MAST2: variants seen among roughly 807,000 people sequenced by gnomAD.
The protein encoded by MAST2 is microtubule-associated serine/threonine-protein kinase 2.
A neutral mutation model predicts 147.4 loss-of-function variants in MAST2; 70 were observed. That is an observed-to-expected ratio of 0.47 (90% confidence interval 0.39 to 0.58). The LOEUF is 0.58. Among genes scored for constraint, MAST2 ranks in the 20% least tolerant of loss-of-function variants. MAST2 has a pLI of 0.00. For synonymous variants in MAST2, 869 were observed against 896.8 expected, an observed-to-expected ratio of 0.97 and a Z score of 0.55; for missense variants, 2,080 against 2,302.3, an observed-to-expected ratio of 0.90 and a Z score of 1.98.
intron 3 of MAST2, among the ~76,000 whole-genome samples, chr1:45,849,950 C>T (rs530509750): frequency 6.6e-6 from 1 of 152,242 alleles, no homozygotes; most frequent in South Asian, 2.1e-4. Flanking sequence ...GATTTGTTTT[C>T]TTTTGTATAT....
chr1:45,899,852 A>G (rs937217768), intron 4 of MAST2, among the ~76,000 whole-genome samples: 8 of 152,026 alleles, frequency 5.3e-5, no homozygotes, highest in Non-Finnish European at 1.2e-4. Context: ...TTACAATTAA[A>G]AAAAAATTTT....
At chr1:45,968,106 A>T (rs1570980542) in intron 5 of MAST2, among the ~76,000 whole-genome samples, 1 of 152,324 alleles carries the variant, frequency 6.6e-6, no homozygotes, top group East Asian at 1.9e-4. Context: ...TGGGATGTTC[A>T]GCTGGTTAGT....
intron 26 of MAST2, among the ~76,000 whole-genome samples, chr1:46,032,976 CA>C (rs56069054): frequency 0.011 from 1,470 of 132,242 alleles, 21 homozygotes; most frequent in East Asian, 0.039. Flanking sequence ...ACTAAAAATA[CA>C]AAAAAAAAAA....
chr1:46,006,447 T>C, intron 8 of MAST2, 52 bp downstream of exon 8: 1 of 1,576,106 alleles, frequency 6.3e-7, no homozygotes, highest in Non-Finnish European at 8.6e-7. Flanking sequence ...TCAGCTTGTT[T>C]GCATAACACA....
intron 3 of MAST2, among the ~76,000 whole-genome samples, chr1:45,830,586 C>G (rs1312242536): frequency 6.6e-6 from 1 of 152,082 alleles, no homozygotes; most frequent in Non-Finnish European, 1.5e-5. Context: ...AGTAAATTTT[C>G]CTGGGAAAGA....
intron 4 of MAST2, among the ~76,000 whole-genome samples, chr1:45,914,987 C>A (rs1203190148): frequency 6.6e-6 from 1 of 152,116 alleles, no homozygotes; most frequent in East Asian, 1.9e-4. Context: ...ATGGCCCAGG[C>A]GGGAGGGCAG....
At chr1:45,854,336 CAAAA>C (rs61252218) in intron 3 of MAST2, among the ~76,000 whole-genome samples, 1 of 128,698 alleles carries the variant, frequency 7.8e-6, no homozygotes, top group African/African-American at 2.9e-5. Flanking sequence ...CCCTCTGTCT[CAAAA>C]AAAAAAAAAA....
At chr1:45,936,204 T>C (rs548405839) in intron 4 of MAST2, among the ~76,000 whole-genome samples, 1 of 152,330 alleles carries the variant, frequency 6.6e-6, no homozygotes, top group South Asian at 2.1e-4. Context: ...TTGGACGTCA[T>C]TGGAGTGTAG....
At chr1:46,007,295 CAG>C (rs775219848) in intron 8 of MAST2, among the ~76,000 whole-genome samples, 3 of 152,084 alleles carry the variant, frequency 2.0e-5, no homozygotes, top group African/African-American at 7.2e-5. Flanking sequence ...CCAGGAGTGA[CAG>C]GGAGTAAGCT....
At chr1:45,868,792 A>G (rs1034918153) in intron 3 of MAST2, among the ~76,000 whole-genome samples, 1 of 152,202 alleles carries the variant, frequency 6.6e-6, no homozygotes, top group Admixed American at 6.5e-5. Flanking sequence ...GATTTCAAAC[A>G]TTCAATTTCT....
intron 5 of MAST2, among the ~76,000 whole-genome samples, chr1:45,966,134 C>T (rs12077546): frequency 0.34 from 51,549 of 152,026 alleles, 9,118 homozygotes; most frequent in African/African-American, 0.43. Flanking sequence ...CCTTTTCAGA[C>T]TGGCTTCTTT....
chr1:45,867,393 C>A (rs1244044197), intron 3 of MAST2, among the ~76,000 whole-genome samples: 1 of 152,138 alleles, frequency 6.6e-6, no homozygotes, highest in Non-Finnish European at 1.5e-5. Flanking sequence ...TACTTTGATA[C>A]CTCCAGGTTT....
intron 4 of MAST2, among the ~76,000 whole-genome samples, chr1:45,917,176 A>T (rs1652674312): frequency 6.6e-6 from 1 of 152,256 alleles, no homozygotes; most frequent in South Asian, 2.1e-4. Context: ...CTCTGTTGTC[A>T]TCCTGTACCA....
chr1:45,919,787 T>A (rs1653146463), intron 4 of MAST2, among the ~76,000 whole-genome samples: 1 of 151,822 alleles, frequency 6.6e-6, no homozygotes, highest in Admixed American at 6.6e-5. Context: ...TTGTTAAATT[T>A]CATGTTTTTT....
At chr1:45,897,247 A>G (rs1648888328) in intron 4 of MAST2, among the ~76,000 whole-genome samples, 1 of 152,192 alleles carries the variant, frequency 6.6e-6, no homozygotes, top group Non-Finnish European at 1.5e-5. Context: ...GTAAAGTTAT[A>G]TAGGAGCAGA....
chr1:45,810,619 C>T (rs1050880771), intron 1 of MAST2, among the ~76,000 whole-genome samples: 12 of 151,432 alleles, frequency 7.9e-5, no homozygotes, highest in Non-Finnish European at 1.6e-4. Context: ...TGAGACCAGC[C>T]TGGCCAACAT....
chr1:45,973,888 G>A (rs1332037673), intron 5 of MAST2, among the ~76,000 whole-genome samples: 1 of 152,202 alleles, frequency 6.6e-6, no homozygotes, highest in Non-Finnish European at 1.5e-5. Flanking sequence ...CTGTTTTGAT[G>A]GAATGGTGGG....
chr1:45,969,225 CTTTTTAGTGAGCTTTGTAATT>C (rs528799940), intron 5 of MAST2, among the ~76,000 whole-genome samples: 25 of 152,104 alleles, frequency 1.6e-4, no homozygotes, highest in African/African-American at 5.1e-4. Context: ...CTATTTTTTG[CTTTTTAGTGAGCTTTGTAATT>C]TTTTTGTTAA....
At chr1:45,816,369 C>T (rs1245093109) in intron 1 of MAST2, among the ~76,000 whole-genome samples, 9 of 152,074 alleles carry the variant, frequency 5.9e-5, no homozygotes, top group Non-Finnish European at 1.0e-4. Flanking sequence ...TACCCACAAG[C>T]GTTAAGACCA....
Sources: gnomAD v4.1 joint callset for allele counts (sites outside exome capture counted in the v4.1 genomes callset) on GRCh38, gnomAD v4.1.1 for gene constraint, MANE v1.5 for transcripts, NCBI Gene and HGNC (gene_info 2026-07-23, HGNC 2026-07-21) for gene names.